SPRY4: variants seen among roughly 807,000 people sequenced by gnomAD.
SPRY4 encodes the protein protein sprouty homolog 4.
SPRY4 carries 7 observed loss-of-function variants against 17.0 expected under a neutral mutation model. That is an observed-to-expected ratio of 0.41 (90% CI 0.23 to 0.77). The LOEUF (loss-of-function observed/expected upper bound fraction) is 0.77, where lower values mean the gene tolerates loss of function less well. SPRY4 is among the 30% of genes least tolerant of loss of function. The pLI is 0.32. For synonymous variants in SPRY4, 183 were observed against 174.1 expected, an observed-to-expected ratio of 1.05 and a Z score of -0.40; for missense variants, 435 against 419.9, an observed-to-expected ratio of 1.04 and a Z score of -0.31.
Position 142,322,488 on chromosome 5 carries a change from A to ATATGTG in SPRY4, c.-48+2355_-48+2356insCACATA, listed in dbSNP as rs1554100335. On this transcript the variant is annotated intron_variant, in intron 1 of 1. Transcript: ENST00000434127. ...TCGTCTCAAGAAAAAAAAAAAATAT[A>ATATGTG]TATATATATATATAAATGAAAACGA... 1.5e-3 allele frequency among the ~76,000 whole-genome samples: 168 copies of ATATGTG among 112,768 alleles called. 3 individuals are homozygous for ATATGTG. In the East Asian group the frequency reaches 0.048, roughly 33 times the overall value. The allele number at this position is 112,768 out of a possible 152,430, so 74.0% of individuals were successfully genotyped here.
chr5:142,317,038 G>A (rs569396325), intron 1 of SPRY4: 12 of 985,458 alleles, frequency 1.2e-5, no homozygotes, highest in East Asian at 1.1e-4. Context: ...TTGAATTGGC[G>A]ATTTCCTTGT....
intron 1 of SPRY4, 34 bp from the exon 2 acceptor site, chr5:142,315,189 G>A (rs1252119704): frequency 4.3e-6 from 6 of 1,394,974 alleles, no homozygotes; most frequent in Admixed American, 2.0e-5. Context: ...AAGAGAGAAT[G>A]GATTCCAGGC....
At chr5:142,322,281 G>A (rs988535991) in intron 1 of SPRY4, among the ~76,000 whole-genome samples, 39 of 152,180 alleles carry the variant, frequency 2.6e-4, no homozygotes, top group African/African-American at 9.2e-4. Context: ...GACCAGCCTA[G>A]CCAACATGGT....
chr5:142,324,079 C>T (rs926425957), intron 1 of SPRY4: 3 of 152,460 alleles, frequency 2.0e-5, no homozygotes, highest in African/African-American at 7.2e-5. Context: ...CCTGGCACAG[C>T]TCGGTGCCCG....
At chr5:142,321,234 T>C (rs1759336239) in intron 1 of SPRY4, among the ~76,000 whole-genome samples, 1 of 152,164 alleles carries the variant, frequency 6.6e-6, no homozygotes, top group African/African-American at 2.4e-5. Context: ...AGGAGCCCAA[T>C]AATAACCATG....
Position 142,315,004 on chromosome 5 carries a change from G to C in SPRY4, c.105C>G (p.Leu35=). The change falls in exon 2 of 2, where the codon CTC becomes CTG. Residue 35 remains leucine, a synonymous_variant. Coordinates refer to ENST00000434127, the MANE Select transcript of SPRY4 (RefSeq NM_001127496.3). ...RMSHSRLQHP[L]TILPIDQVKT... is the part of the protein sequence containing the mutation. Reference sequence around the variant, plus strand: ...TCACCTGGTCAATGGGTAGGATGGTGAGTGGGTGCTGGAGCCGGCTGTGGG... The same window carrying C: ...TCACCTGGTCAATGGGTAGGATGGTCAGTGGGTGCTGGAGCCGGCTGTGGG... 1 of 1,613,966 alleles carries C rather than the reference G, an allele frequency of 6.2e-7. No individual in the cohort carries two copies. Among genetic ancestry groups the C allele is most frequent in the Non-Finnish European group, 8.5e-7 (1 of 1,180,032 alleles).
rs1238985924 is a variant in SPRY4, at chr5:142,317,640, T to C, written c.-47-2485A>G. 6 of 985,018 alleles carry C rather than the reference T, an allele frequency of 6.1e-6. No individual in the cohort carries two copies. The African/African-American group carries it at 1.1e-4, about 17-fold the overall frequency. 61.0% of individuals were successfully genotyped at this position (985,018 alleles called of 1,614,324 possible). On this transcript the variant is annotated intron_variant, in intron 1 of 1. Coordinates refer to ENST00000434127, the MANE Select transcript of SPRY4 (RefSeq NM_001127496.3). Reference sequence around the variant, plus strand: ...TTCACTTTTTTTTTTTTTTTTCATTTGTGAGGTTCTTTAAAAACAGCCCAT... The same window carrying C: ...TTCACTTTTTTTTTTTTTTTTCATTCGTGAGGTTCTTTAAAAACAGCCCAT...
chr5:142,311,614 G>A lies in SPRY4; in HGVS notation c.*2595C>T, dbSNP rs1758915019. On this transcript the variant is annotated 3_prime_UTR_variant, in exon 2 of 2. Coordinates refer to ENST00000434127, the MANE Select transcript of SPRY4 (RefSeq NM_001127496.3). ...TTGTTGTTTTAATTTTTGCCAAGAA[G>A]CTGAGAAAAACAATGCTGAGGGATT... 6.6e-6 allele frequency: 1 copy of A among 152,020 alleles called. No individual in the cohort carries two copies. Among genetic ancestry groups the A allele is most frequent in the Non-Finnish European group, 1.5e-5 (1 of 68,072 alleles). The allele number at this position is 152,020 out of a possible 1,614,324, so 9.4% of individuals were successfully genotyped here.
chr5:142,323,718 C>G (rs997601303), intron 1 of SPRY4, among the ~76,000 whole-genome samples: 2 of 152,184 alleles, frequency 1.3e-5, no homozygotes, highest in Non-Finnish European at 2.9e-5. Flanking sequence ...TCTTCTTGCA[C>G]AAGAGCAGCT....
In SPRY4 at chr5:142,322,977, GGAGA is replaced by G. The variant is rs944375960; in HGVS notation, c.-48+1863_-48+1866del. Among the ~76,000 whole-genome samples the G allele has an allele frequency of 9.9e-5, 15 of 151,798 alleles. No individual in the cohort carries two copies. In the East Asian group the frequency reaches 2.1e-3, roughly 22 times the overall value. The stretch of plus-strand genomic sequence containing the variant: ...TCCCACCCTTCTGGGAGACAGAGAG[GGAGA>G]GAGAAAGAGAAATCTTTAACTGCAG... On this transcript the variant is annotated intron_variant, in intron 1 of 1. Transcript: ENST00000434127.
At chr5:142,320,802 G>A (rs1016642195) in intron 1 of SPRY4, among the ~76,000 whole-genome samples, 1 of 152,062 alleles carries the variant, frequency 6.6e-6, no homozygotes, top group African/African-American at 2.4e-5. Context: ...ACCAAGAAAT[G>A]AACTTACAAT....
chr5:142,318,055 C>T (rs1759217110), intron 1 of SPRY4: 1 of 985,208 alleles, frequency 1.0e-6, no homozygotes, highest in Admixed American at 6.2e-5. Flanking sequence ...GGCCTCACCC[C>T]TCACCAGCAG....
rs533606288 is a variant in SPRY4, at chr5:142,315,123, T to C, written c.-15A>G. 7 of 1,600,768 alleles carry C rather than the reference T, an allele frequency of 4.4e-6. No individual in the cohort carries two copies. In the African/African-American group the frequency reaches 9.6e-5, roughly 22 times the overall value. ...GGGGGCTCCATGGGGCTGGAGGTCC[T>C]GGACTGTACGGAGAAACAGGCTTCT... On this transcript the variant is annotated 5_prime_UTR_variant, in exon 2 of 2. Coordinates refer to ENST00000434127, the MANE Select transcript of SPRY4 (RefSeq NM_001127496.3).
At chr5:142,322,408 T>C (rs1307445630) in intron 1 of SPRY4, among the ~76,000 whole-genome samples, 1 of 150,408 alleles carries the variant, frequency 6.6e-6, no homozygotes, top group Non-Finnish European at 1.5e-5. Context: ...GAGGCGGAGG[T>C]TGCAGTGAGC....
intron 1 of SPRY4, among the ~76,000 whole-genome samples, chr5:142,322,182 A>G (rs1464295839): frequency 6.6e-6 from 1 of 152,228 alleles, no homozygotes; most frequent in African/African-American, 2.4e-5. Flanking sequence ...GGATGCAGAT[A>G]AAAATGACAT....
chr5:142,314,421 T>TGGAGCG lies in SPRY4; in HGVS notation c.682_687dup (p.Arg228_Ser229dup), dbSNP rs769314837. The stretch of plus-strand genomic sequence containing the variant: ...ATGAAGGACCAGCGGGCGCAGCAGT[T>TGGAGCG]GGAGCGGGAGCAGGAGCAGGGGTGG... On this transcript the variant is annotated inframe_insertion, in exon 2 of 2. Coordinates refer to ENST00000434127, the MANE Select transcript of SPRY4 (RefSeq NM_001127496.3). This position sits in a 1 kb window ranked among gnomAD's most constrained non-coding sequence, Gnocchi z 4.8. The TGGAGCG allele has an allele frequency of 1.4e-5, 23 of 1,613,794 alleles. No individual in the cohort carries two copies. The Admixed American group carries it at 3.3e-4, about 23-fold the overall frequency.
chr5:142,314,412 C>T lies in SPRY4; in HGVS notation c.697G>A (p.Ala233Thr), dbSNP rs761651255. ...AGAGCACCCATGAAGGACCAGCGGG[C>T]GCAGCAGTTGGAGCGGGAGCAGGAG... ...PCSCSRSNCCARWSFMGALSV... is the reference protein window; with the variant it reads ...PCSCSRSNCCTRWSFMGALSV... The change falls in exon 2 of 2, where the codon GCC becomes ACC. Residue 233 changes from alanine (A) to threonine (T), a missense_variant. Ala to Thr is a moderately conservative substitution (Grantham distance 58). Coordinates refer to ENST00000434127, the MANE Select transcript of SPRY4 (RefSeq NM_001127496.3). This position sits in a 1 kb window ranked among gnomAD's most constrained non-coding sequence, Gnocchi z 4.8. 87 of 1,613,732 alleles carry T rather than the reference C, an allele frequency of 5.4e-5. No homozygotes were observed. The highest frequency in any genetic ancestry group is 6.7e-5 in the African/African-American group (5 of 74,910).
At chr5:142,322,817 C>T (rs1255140881) in intron 1 of SPRY4, among the ~76,000 whole-genome samples, 2 of 152,176 alleles carry the variant, frequency 1.3e-5, no homozygotes, top group Non-Finnish European at 2.9e-5. Context: ...CCGTACTGGC[C>T]ACATGGCGTG....
In SPRY4 at chr5:142,310,526, A is replaced by C. The variant is rs1758866657; in HGVS notation, c.*3683T>G. 1.3e-5 allele frequency: 2 copies of C among 152,450 alleles called. No individual in the cohort carries two copies. Among genetic ancestry groups the C allele is most frequent in the African/African-American group, 4.8e-5 (2 of 41,382 alleles). The allele number at this position is 152,450 out of a possible 1,614,324, so 9.4% of individuals were successfully genotyped here. A position where few individuals can be genotyped will look rare whatever the true frequency, so the allele number is the denominator to read the frequency against. On this transcript the variant is annotated 3_prime_UTR_variant, in exon 2 of 2. Transcript: ENST00000434127. ...TGTTTTTTTCTTCACAAACAGAAGAACTCTTACAATAGTAGACTTTCTAAA... is the reference window on the plus strand; with the variant it reads ...TGTTTTTTTCTTCACAAACAGAAGACCTCTTACAATAGTAGACTTTCTAAA...
Sources: gnomAD v4.1 joint callset for allele counts (sites outside exome capture counted in the v4.1 genomes callset) on GRCh38, gnomAD v4.1.1 for gene constraint, Gnocchi (gnomAD v3.1) non-coding constraint, MANE v1.5 for transcripts, NCBI Gene and HGNC (gene_info 2026-07-23, HGNC 2026-07-21) for gene names.